The following SH3D19 variants were observed in gnomAD, a reference collection of about 807,000 sequenced individuals.
SH3D19 encodes the protein SH3 domain containing 19.
A neutral mutation model predicts 112.1 loss-of-function variants in SH3D19; 58 were observed. The observed-to-expected ratio is 0.52, with a 90% CI of 0.42 to 0.64. The LOEUF (loss-of-function observed/expected upper bound fraction) is 0.64. SH3D19 is among the 30% of genes least tolerant of loss of function. SH3D19 has a pLI of 0.00. For missense variants in SH3D19, 1,090 were observed against 1,263.4 expected (o/e 0.86, Z 2.08); for synonymous variants, 391 against 448.5 (o/e 0.87, Z 1.62).
At chr4:151,192,351 C>G (rs1265524161) in intron 2 of SH3D19, among the ~76,000 whole-genome samples, 1 of 152,126 alleles carries the variant, frequency 6.6e-6, no homozygotes, top group Non-Finnish European at 1.5e-5. Flanking sequence ...TAGTGCCTAT[C>G]TTTTGGCTTG....
chr4:151,134,968 T>G, intron 15 of SH3D19, 106 bp downstream of exon 15: 3 of 902,876 alleles, frequency 3.3e-6, no homozygotes, highest in Non-Finnish European at 5.2e-6. Context: ...GATACAGGTC[T>G]GAGCCACCAT....
At chr4:151,301,680 G>A (rs1299986832) in intron 1 of SH3D19, among the ~76,000 whole-genome samples, 5 of 152,106 alleles carry the variant, frequency 3.3e-5, no homozygotes, top group Non-Finnish European at 7.4e-5. Flanking sequence ...TGTACAGCCT[G>A]CAGAATCATG....
chr4:151,284,304 T>C (rs1774531099), intron 1 of SH3D19, among the ~76,000 whole-genome samples: 2 of 152,228 alleles, frequency 1.3e-5, no homozygotes, highest in African/African-American at 4.8e-5. Context: ...TTTAAATTGA[T>C]CTGTATTGAA....
intron 15 of SH3D19, among the ~76,000 whole-genome samples, chr4:151,134,500 T>C (rs1198769624): frequency 2.6e-5 from 4 of 152,228 alleles, no homozygotes; most frequent in African/African-American, 7.2e-5. Context: ...GCAGTTATTG[T>C]AGGATTCATA....
intron 19 of SH3D19, among the ~76,000 whole-genome samples, chr4:151,122,987 G>A (rs1579585253): frequency 6.6e-6 from 1 of 151,752 alleles, no homozygotes; most frequent in African/African-American, 2.4e-5. Flanking sequence ...GAGCAGCTGG[G>A]GTTACAGGTG....
intron 2 of SH3D19, among the ~76,000 whole-genome samples, chr4:151,200,766 C>A (rs1764277600): frequency 1.3e-5 from 2 of 152,218 alleles, no homozygotes; most frequent in Non-Finnish European, 2.9e-5. Flanking sequence ...AGTTTGAAAA[C>A]TATCATCTGA....
rs1255421259 is a variant in SH3D19 at position 151,127,617 on chromosome 4, C to T, written c.3027+1G>A. ...AGTTATGAAGAGATACACATTCTGA[C>T]CTTGAAGGAAAGTTCATCTTCATTC... On this transcript the variant is annotated splice_donor_variant, in intron 19 of 19. Coordinates refer to ENST00000604030, the MANE Select transcript of SH3D19 (RefSeq NM_001378122.1). LOFTEE classifies it high-confidence loss of function. 1.9e-6 allele frequency: 3 copies of T among 1,581,206 alleles called. No homozygotes were observed. The highest frequency in any genetic ancestry group is 2.6e-6 in the Non-Finnish European group (3 of 1,162,858).
chr4:151,234,052 C>CT (rs540398282), intron 1 of SH3D19, among the ~76,000 whole-genome samples: 4 of 152,126 alleles, frequency 2.6e-5, no homozygotes, highest in South Asian at 2.1e-4. Context: ...AATTCCCATA[C>CT]TTTTTTTTGA....
chr4:151,130,723 CGAGGTCAG>C (rs1257301633), intron 17 of SH3D19, among the ~76,000 whole-genome samples: 2 of 152,048 alleles, frequency 1.3e-5, no homozygotes, highest in Non-Finnish European at 2.9e-5. Flanking sequence ...GGGTGGATCA[CGAGGTCAG>C]GAGTTCAAGA....
chr4:151,155,698 C>T (rs1755973604), intron 9 of SH3D19, among the ~76,000 whole-genome samples: 1 of 152,006 alleles, frequency 6.6e-6, no homozygotes, highest in African/African-American at 2.4e-5. Context: ...CCAGCCTGGC[C>T]AACATGATAA....
chr4:151,162,448 CT>C (rs1479024088), intron 8 of SH3D19, among the ~76,000 whole-genome samples: 1 of 152,020 alleles, frequency 6.6e-6, no homozygotes, highest in Non-Finnish European at 1.5e-5. Context: ...GTTCTTGGAG[CT>C]TTGTCAGGAT....
chr4:151,305,977 C>T (rs1250928633), intron 1 of SH3D19, among the ~76,000 whole-genome samples: 1 of 152,140 alleles, frequency 6.6e-6, no homozygotes, highest in Non-Finnish European at 1.5e-5. Flanking sequence ...GATATAGTAA[C>T]AAAATGAATC....
chr4:151,302,765 T>C (rs143305158), intron 1 of SH3D19, among the ~76,000 whole-genome samples: 3 of 151,996 alleles, frequency 2.0e-5, no homozygotes, highest in Non-Finnish European at 4.4e-5. Flanking sequence ...AGCATTAGAA[T>C]GCATGTCTTC....
At chr4:151,245,580 T>C (rs892732626) in intron 1 of SH3D19, among the ~76,000 whole-genome samples, 1 of 152,162 alleles carries the variant, frequency 6.6e-6, no homozygotes, top group Non-Finnish European at 1.5e-5. Context: ...TGGCTTTGCA[T>C]TGGTCCAGTG....
chr4:151,303,943 A>ACT (rs535556041), intron 1 of SH3D19, among the ~76,000 whole-genome samples: 1 of 146,542 alleles, frequency 6.8e-6, no homozygotes, highest in East Asian at 2.0e-4. Context: ...TTGCTCTCTC[A>ACT]TTTTTTTTTT....
intron 1 of SH3D19, among the ~76,000 whole-genome samples, chr4:151,281,413 G>A (rs986789450): frequency 1.3e-5 from 2 of 152,124 alleles, no homozygotes; most frequent in South Asian, 2.1e-4. Context: ...CTGATCTAAC[G>A]AAAAGTTATG....
Position 151,195,623 on chromosome 4 carries a change from T to A in SH3D19, c.153-8160A>T, listed in dbSNP as rs182593228. Among the ~76,000 whole-genome samples the A allele has an allele frequency of 6.6e-5, 10 of 151,988 alleles. No individual in the cohort carries two copies. The East Asian group carries it at 1.2e-3, about 18-fold the overall frequency. ...AAATTAGAACATTTATATATTTTTT[T>A]AATCTTTTATCAGAGAGGTGTTTTT... On this transcript the variant is annotated intron_variant, in intron 2 of 19. Coordinates refer to ENST00000604030, the MANE Select transcript of SH3D19 (RefSeq NM_001378122.1).
At chr4:151,256,737 AATT>A (rs919188570) in intron 1 of SH3D19, among the ~76,000 whole-genome samples, 42 of 98,226 alleles carry the variant, frequency 4.3e-4, no homozygotes, top group Non-Finnish European at 7.6e-4. Flanking sequence ...GCTTCAAGTT[AATT>A]ATTATTATTA....
intron 1 of SH3D19, among the ~76,000 whole-genome samples, chr4:151,270,545 C>G (rs891930057): frequency 6.6e-6 from 1 of 152,190 alleles, no homozygotes; most frequent in African/African-American, 2.4e-5. Context: ...TATTTCTTTA[C>G]AGCAATAGAA....
Sources: allele counts gnomAD v4.1 joint callset (sites outside exome capture counted in the v4.1 genomes callset), GRCh38; gene constraint gnomAD v4.1.1; transcripts MANE v1.5; gene names NCBI Gene and HGNC (gene_info 2026-07-23, HGNC 2026-07-21).